The following PARM1 variants were observed in gnomAD, a reference collection of about 807,000 sequenced individuals.
The protein encoded by PARM1 is WSC4, cell wall integrity and stress response component 4 homolog.
In PARM1, 14 loss-of-function variants were observed where a neutral mutation model predicts 24.6. That is an observed-to-expected ratio of 0.57 (90% confidence interval 0.38 to 0.89). The LOEUF is 0.89. PARM1 is among the 40% of genes least tolerant of loss of function. PARM1 has a pLI of 0.00. For missense variants in PARM1, 362 were observed against 380.4 expected (o/e 0.95, Z 0.40); for synonymous variants, 179 against 156.6 (o/e 1.14, Z -1.07).
chr4:74,981,879 CAAAAAAAA>C, intron 1 of PARM1, among the ~76,000 whole-genome samples: 1 of 55,660 alleles, frequency 1.8e-5, no homozygotes, highest in East Asian at 5.1e-4. Context: ...ACTCAATCTC[CAAAAAAAA>C]AAAAAAAAAA....
At chr4:75,001,045 C>T (rs1419830865) in intron 1 of PARM1, among the ~76,000 whole-genome samples, 4 of 152,128 alleles carry the variant, frequency 2.6e-5, no homozygotes, top group Admixed American at 1.3e-4. Flanking sequence ...CTCTTTGTGC[C>T]TCAATTTGCT....
chr4:75,034,509 A>G (rs1723332267), intron 3 of PARM1, among the ~76,000 whole-genome samples: 2 of 152,300 alleles, frequency 1.3e-5, no homozygotes, highest in South Asian at 4.2e-4. Context: ...TGGCTTTAAA[A>G]TATCTTTTCT....
intron 1 of PARM1, among the ~76,000 whole-genome samples, chr4:74,940,894 T>C (rs1428840611): frequency 6.6e-6 from 1 of 152,246 alleles, no homozygotes; most frequent in Non-Finnish European, 1.5e-5. Context: ...AGTCATTCTA[T>C]TGAGTTAATG....
At chr4:74,968,427 G>A (rs1017505366) in intron 1 of PARM1, among the ~76,000 whole-genome samples, 1 of 152,336 alleles carries the variant, frequency 6.6e-6, no homozygotes, top group African/African-American at 2.4e-5. Flanking sequence ...TAAGGATGCT[G>A]TAGTCTCTAA....
intron 1 of PARM1, chr4:74,967,756 C>T (rs1259583176): frequency 6.6e-6 from 1 of 152,194 alleles, no homozygotes; most frequent in East Asian, 1.9e-4. Flanking sequence ...TGTCATTTAA[C>T]TTGTGGTTTT....
At chr4:75,003,457 G>T (rs190818969) in intron 1 of PARM1, among the ~76,000 whole-genome samples, 5 of 152,194 alleles carry the variant, frequency 3.3e-5, no homozygotes, top group African/African-American at 1.2e-4. Context: ...TATGGATGGA[G>T]AAATTGAGTC....
chr4:75,032,948 G>A (rs904234143), intron 2 of PARM1, among the ~76,000 whole-genome samples: 1 of 152,162 alleles, frequency 6.6e-6, no homozygotes, highest in Non-Finnish European at 1.5e-5. Context: ...GTTGATTCTT[G>A]CCATTTTTAA....
Position 74,949,294 on chromosome 4 carries a change from G to A in PARM1, c.43+15924G>A, listed in dbSNP as rs1721471571. ...TTTGGTTTTGTACTTAGTAAGAAAT[G>A]GGCATGAGTTATATCTCTGTATAGG... On this transcript the variant is annotated intron_variant, in intron 1 of 3. Coordinates refer to ENST00000307428, the MANE Select transcript of PARM1 (RefSeq NM_015393.4). Among the ~76,000 whole-genome samples, 4 of 152,232 alleles carry A rather than the reference G, an allele frequency of 2.6e-5. No individual in the cohort carries two copies. In the South Asian group the frequency reaches 8.3e-4, roughly 32 times the overall value.
chr4:74,937,600 A>G (rs911756306), intron 1 of PARM1, among the ~76,000 whole-genome samples: 2 of 152,348 alleles, frequency 1.3e-5, no homozygotes, highest in Middle Eastern at 3.4e-3. Flanking sequence ...AAAGTGTTCA[A>G]TACCTGAATA....
intron 2 of PARM1, among the ~76,000 whole-genome samples, chr4:75,015,159 A>G (rs1578051415): frequency 1.3e-5 from 2 of 152,216 alleles, no homozygotes; most frequent in African/African-American, 4.8e-5. Context: ...TAAGCTTAGC[A>G]TACATGAATC....
intron 1 of PARM1, among the ~76,000 whole-genome samples, chr4:74,950,155 A>G (rs1039836737): frequency 2.0e-5 from 3 of 152,192 alleles, no homozygotes; most frequent in Non-Finnish European, 4.4e-5. Flanking sequence ...CAAGCTTTGG[A>G]TAAATATAGA....
chr4:75,009,646 C>T (rs1272402840), intron 1 of PARM1, among the ~76,000 whole-genome samples: 13 of 152,132 alleles, frequency 8.5e-5, no homozygotes, highest in Admixed American at 8.5e-4. Context: ...ATGGATGTGG[C>T]CATAACTAAA....
At chr4:74,934,395 CCTCT>C (rs1482745092) in intron 1 of PARM1, among the ~76,000 whole-genome samples, 1 of 152,214 alleles carries the variant, frequency 6.6e-6, no homozygotes, top group Non-Finnish European at 1.5e-5. Flanking sequence ...GTATATCCTC[CCTCT>C]GAGTTCGTCG....
At chr4:75,017,406 C>A (rs957160129) in intron 2 of PARM1, among the ~76,000 whole-genome samples, 1 of 152,270 alleles carries the variant, frequency 6.6e-6, no homozygotes, top group East Asian at 1.9e-4. Context: ...TGGAGATACT[C>A]CTGTCTCAGG....
At position 75,030,385 on chromosome 4, in the gene PARM1, C is replaced by G. The variant is rs141160245; in HGVS notation, c.770-3498C>G. On this transcript the variant is annotated intron_variant, in intron 2 of 3. Coordinates refer to ENST00000307428, the MANE Select transcript of PARM1 (RefSeq NM_015393.4). ...AGAATTAAATAAGATGATAGCTGTA[C>G]AGTTTTGTGCATAGTCTCAGCCCAA... Among the ~76,000 whole-genome samples the G allele has an allele frequency of 3.3e-4, 50 of 152,250 alleles. No individual in the cohort carries two copies. The East Asian group carries it at 8.3e-3, about 25-fold the overall frequency.
chr4:74,982,490 T>A (rs1052341344), intron 1 of PARM1, among the ~76,000 whole-genome samples: 1 of 152,102 alleles, frequency 6.6e-6, no homozygotes. Context: ...TAAAAAATAA[T>A]AAACACATTC....
chr4:75,040,323 A>G (rs560227575), intron 3 of PARM1, among the ~76,000 whole-genome samples: 73 of 152,338 alleles, frequency 4.8e-4, no homozygotes, highest in Non-Finnish European at 3.1e-4. Flanking sequence ...TCCAATAGTA[A>G]TGCCATCTGG....
rs57171319 is a variant in PARM1, at chr4:74,952,898, T to C, written c.43+19528T>C. 2.0e-5 allele frequency among the ~76,000 whole-genome samples: 3 copies of C among 152,326 alleles called. No homozygotes were observed. The East Asian group carries it at 5.8e-4, about 29-fold the overall frequency. On this transcript the variant is annotated intron_variant, in intron 1 of 3. Transcript: ENST00000307428. Reference sequence around the variant, plus strand: ...CCTCTTTCTTTACCTGCTTCCTTCCTTACTAAAGTAATTAGAAGTCTTTAA... The same window carrying C: ...CCTCTTTCTTTACCTGCTTCCTTCCCTACTAAAGTAATTAGAAGTCTTTAA...
intron 1 of PARM1, among the ~76,000 whole-genome samples, chr4:74,995,744 CCG>C (rs1355000372): frequency 6.6e-6 from 1 of 152,160 alleles, no homozygotes; most frequent in Non-Finnish European, 1.5e-5. Flanking sequence ...AGTGTCCTCT[CCG>C]CGGCAGCCCC....
Sources: gnomAD v4.1 joint callset for allele counts (sites outside exome capture counted in the v4.1 genomes callset) on GRCh38, gnomAD v4.1.1 for gene constraint, MANE v1.5 for transcripts, NCBI Gene and HGNC (gene_info 2026-07-23, HGNC 2026-07-21) for gene names.